Variants in PRRC2A observed in about 807,000 individuals in gnomAD.
PRRC2A encodes proline rich coiled-coil 2A, also known as protein PRRC2A.
Under a neutral mutation model 224.6 loss-of-function variants are expected in PRRC2A, and 59 were observed. That is an observed-to-expected ratio of 0.26 (90% CI 0.21 to 0.33). PRRC2A has a LOEUF of 0.33. PRRC2A is among the 10% of genes least tolerant of loss of function. The pLI, the probability that PRRC2A is intolerant of heterozygous loss-of-function variation, is 1.00. For missense variants in PRRC2A, 3,095 were observed against 2,880.7 expected, an observed-to-expected ratio of 1.07 and a Z score of -1.70; for synonymous variants, 1,194 against 1,109.5, an observed-to-expected ratio of 1.08 and a Z score of -1.51.
At chr6:31,626,663 G>T in intron 9 of PRRC2A, 109 bp from the exon 10 acceptor site, 1 of 974,402 alleles carries the variant, frequency 1.0e-6, no homozygotes. Context: ...CTAGACTTCG[G>T]AGGGAAGGAT....
rs769371215 is a variant in PRRC2A, at chr6:31,632,021, T to C, written c.3348T>C (p.Asp1116=). ...SETGSETHES[D]LAPSDKEAPT... is the part of the protein sequence containing the mutation. Reference sequence around the variant, plus strand: ...CAGGCAGCGAGACCCATGAGAGTGATCTGGCTCCTTCAGACAAGGAGGCTC... The same window carrying C: ...CAGGCAGCGAGACCCATGAGAGTGACCTGGCTCCTTCAGACAAGGAGGCTC... The change falls in exon 16 of 31, where the codon GAT becomes GAC. Residue 1116 remains aspartate (D), a synonymous_variant. Coordinates refer to ENST00000376033, the MANE Select transcript of PRRC2A (RefSeq NM_004638.4). 5.0e-6 allele frequency: 8 copies of C among 1,602,198 alleles called. No homozygotes were observed. The South Asian group carries it at 8.9e-5, about 18-fold the overall frequency.
chr6:31,627,302 G>A lies in PRRC2A; in HGVS notation c.1290+104G>A. The A allele has an allele frequency of 1.2e-6, 1 of 852,340 alleles. No individual in the cohort carries two copies. The highest frequency in any genetic ancestry group is 1.8e-6 in the Non-Finnish European group (1 of 550,718). 52.8% of individuals were successfully genotyped at this position (852,340 alleles called of 1,614,324 possible). On this transcript the variant is annotated intron_variant, in intron 11 of 30. Coordinates refer to ENST00000376033, the MANE Select transcript of PRRC2A (RefSeq NM_004638.4). The surrounding 1 kb of genome is among the most constrained non-coding windows in gnomAD (Gnocchi z 5.6). ...ATAGAGGAAGGGGGGTGCTAAAAAT[G>A]GGCTGTGTGAAGTGCCAGGCTGCAG...
At chr6:31,633,062 T>A in intron 16 of PRRC2A, 70 bp downstream of exon 16, 2 of 1,439,590 alleles carry the variant, frequency 1.4e-6, no homozygotes, top group Non-Finnish European at 1.8e-6. Flanking sequence ...GAGGGAAAGA[T>A]AAGTTTGGGT....
In PRRC2A at chr6:31,627,247, T is replaced by G. The variant is rs771845263; in HGVS notation, c.1290+49T>G. On this transcript the variant is annotated intron_variant, in intron 11 of 30. Coordinates refer to ENST00000376033, the MANE Select transcript of PRRC2A (RefSeq NM_004638.4). The surrounding 1 kb of genome is among the most constrained non-coding windows in gnomAD (Gnocchi z 5.6). ...GAGAGGGTCAGCTGTGGGAAATTGG[T>G]GTCAGCTGAGTAATTGAAGCGGTTG... 2 of 1,354,954 alleles carry G rather than the reference T, an allele frequency of 1.5e-6. No individual in the cohort carries two copies. The highest frequency in any genetic ancestry group is 2.9e-5 in the African/African-American group (2 of 68,534). The allele number at this position is 1,354,954 out of a possible 1,614,324, so 83.9% of individuals were successfully genotyped here.
intron 2 of PRRC2A, chr6:31,623,259 A>ATTTTTTTTTTTTTT (rs3993756): frequency 3.8e-6 from 1 of 265,700 alleles, no homozygotes; most frequent in Non-Finnish European, 6.8e-6. Context: ...GATTTCATAG[A>ATTTTTTTTTTTTTT]TTTTTTTTTT....
Position 31,620,791 on chromosome 6 carries a change from C to A in PRRC2A, c.-168C>A, listed in dbSNP as rs1166880965. 6.6e-6 allele frequency: 1 copy of A among 152,196 alleles called. No homozygotes were observed. The highest frequency in any genetic ancestry group is 1.5e-5 in the Non-Finnish European group (1 of 68,086). The allele number at this position is 152,196 out of a possible 1,614,324, so 9.4% of individuals were successfully genotyped here. A position where few individuals can be genotyped will look rare whatever the true frequency, so the allele number is the denominator to read the frequency against. ...GGCGCCATCCGCCGCCATCCTCCCC[C>A]GCCCCACCGCCATCCCGTCCCGGGG... On this transcript the variant is annotated 5_prime_UTR_variant, in exon 1 of 31. Coordinates refer to ENST00000376033, the MANE Select transcript of PRRC2A (RefSeq NM_004638.4).
At position 31,624,783 on chromosome 6, in the gene PRRC2A, G is replaced by C. The variant is rs546628550; in HGVS notation, c.463+261G>C. On this transcript the variant is annotated intron_variant, in intron 5 of 30. Transcript: ENST00000376033. ...TGAAGGCGGGAAACCTGATGGTCTG[G>C]TACCTGTCAGAGCCTTCCACTTTTT... 3.8e-5 allele frequency: 22 copies of C among 575,670 alleles called. No individual in the cohort carries two copies. In the Admixed American group the frequency reaches 5.2e-4, roughly 14 times the overall value. The allele number at this position is 575,670 out of a possible 1,614,324, so 35.7% of individuals were successfully genotyped here.
Position 31,632,249 on chromosome 6 carries a change from G to C in PRRC2A, c.3576G>C (p.Leu1192=), listed in dbSNP as rs1398113831. Residue 1192 remains leucine, a synonymous_variant, in exon 16 of 31, where the codon CTG becomes CTC. Coordinates refer to ENST00000376033, the MANE Select transcript of PRRC2A (RefSeq NM_004638.4). ...GCTGGAGCCCTCCAGCCAAGTCTCT[G>C]GCTCCCAAGAAACCTCCCACAGGCC... ...CPGWSPPAKS[L]APKKPPTGPL... 7.4e-6 allele frequency: 12 copies of C among 1,612,822 alleles called. No individual in the cohort carries two copies. Among genetic ancestry groups the C allele is most frequent in the Admixed American group, 3.3e-5 (2 of 59,992 alleles).
rs1190025175 is a variant in PRRC2A at position 31,622,742 on chromosome 6, G to A, written c.-48G>A. The stretch of plus-strand genomic sequence containing the variant: ...TGGCCCACAGGCTCTGGCACGTTTT[G>A]GGGGAGGTGCCTGCAGGACCCAACA... On this transcript the variant is annotated 5_prime_UTR_variant, in exon 2 of 31. Coordinates refer to ENST00000376033, the MANE Select transcript of PRRC2A (RefSeq NM_004638.4). The A allele has an allele frequency of 1.9e-5, 28 of 1,438,346 alleles. No individual in the cohort carries two copies. Among genetic ancestry groups the A allele is most frequent in the Non-Finnish European group, 2.5e-5 (26 of 1,025,600 alleles). The allele number at this position is 1,438,346 out of a possible 1,614,324, so 89.1% of individuals were successfully genotyped here.
rs570163486 is a variant in PRRC2A, at chr6:31,631,828, G to A, written c.3155G>A (p.Arg1052Gln). 3.2e-5 allele frequency: 51 copies of A among 1,597,338 alleles called. No homozygotes were observed. Among genetic ancestry groups the A allele is most frequent in the South Asian group, 1.4e-4 (13 of 89,866 alleles). Residue 1052 changes from arginine (R) to glutamine (Q), a missense_variant, in exon 16 of 31, where the codon CGG becomes CAG. This residue lies in a region of PRRC2A where 2,001 missense variants were observed against 1,764.9 expected (regional missense o/e 1.13). Transcript: ENST00000376033. This position sits in a 1 kb window ranked among gnomAD's most constrained non-coding sequence, Gnocchi z 4.5. Reference sequence around the variant, plus strand: ...GGACGAGGGCGGGGAGCCCGAAGCCGGGAATTCCGCAGTTACCGAGAGTTT... The same window carrying A: ...GGACGAGGGCGGGGAGCCCGAAGCCAGGAATTCCGCAGTTACCGAGAGTTT... Reference protein sequence around the residue: ...YGGRGRGARSREFRSYREFRG... With the variant: ...YGGRGRGARSQEFRSYREFRG...
chr6:31,625,355 C>T lies in PRRC2A; in HGVS notation c.607+41C>T, dbSNP rs780706604. The T allele has an allele frequency of 6.2e-7, 1 of 1,614,184 alleles. No homozygotes were observed. Among genetic ancestry groups the T allele is most frequent in the East Asian group, 2.2e-5 (1 of 44,882 alleles). On this transcript the variant is annotated intron_variant, in intron 6 of 30. Transcript: ENST00000376033. This position sits in a 1 kb window ranked among gnomAD's most constrained non-coding sequence, Gnocchi z 4.1. ...TTGGCCAAGACATTACCTATTGCAT[C>T]TCAGAGCTAGGTGCTGGCTTATTCA...
chr6:31,636,690 T>G lies in PRRC2A; in HGVS notation c.5935-43T>G. 6.3e-7 allele frequency: 1 copy of G among 1,597,810 alleles called. No homozygotes were observed. The highest frequency in any genetic ancestry group is 8.6e-7 in the Non-Finnish European group (1 of 1,169,502). ...TTGATTTTCCCTGGTTTTCTGACATTCCTCCCTGCCCCCAACATGCACACC... is the reference window on the plus strand; with the variant it reads ...TTGATTTTCCCTGGTTTTCTGACATGCCTCCCTGCCCCCAACATGCACACC... On this transcript the variant is annotated intron_variant, in intron 27 of 30. Transcript: ENST00000376033. This position sits in a 1 kb window ranked among gnomAD's most constrained non-coding sequence, Gnocchi z 4.3.
Position 31,627,256 on chromosome 6 carries a change from AG to A in PRRC2A, c.1290+59del. On this transcript the variant is annotated intron_variant, in intron 11 of 30. Coordinates refer to ENST00000376033, the MANE Select transcript of PRRC2A (RefSeq NM_004638.4). The surrounding 1 kb of genome is among the most constrained non-coding windows in gnomAD (Gnocchi z 5.6). ...AGCTGTGGGAAATTGGTGTCAGCTG[AG>A]TAATTGAAGCGGTTGTGATATAGAG... is the stretch of plus-strand genomic sequence containing the variant. The A allele has an allele frequency of 7.9e-7, 1 of 1,272,512 alleles. No homozygotes were observed. The highest frequency in any genetic ancestry group is 1.3e-5 in the South Asian group (1 of 78,196). 78.8% of individuals were successfully genotyped at this position (1,272,512 alleles called of 1,614,324 possible).
In PRRC2A at chr6:31,631,066, A is replaced by G; in HGVS notation, c.2466-73A>G. 1 of 1,372,884 alleles carries G rather than the reference A, an allele frequency of 7.3e-7. No individual in the cohort carries two copies. The highest frequency in any genetic ancestry group is 9.9e-7 in the Non-Finnish European group (1 of 1,008,440). The allele number at this position is 1,372,884 out of a possible 1,614,324, so 85.0% of individuals were successfully genotyped here. ...AGTAAAAGAGAGTCTGCATCATAAT[A>G]AAGTGTTCTTTTCCCACCTAGTTCT... On this transcript the variant is annotated intron_variant, in intron 15 of 30. Transcript: ENST00000376033. This position sits in a 1 kb window ranked among gnomAD's most constrained non-coding sequence, Gnocchi z 4.5.
Position 31,635,413 on chromosome 6 carries a change from T to C in PRRC2A, c.5321T>C (p.Val1774Ala). 1 of 1,614,208 alleles carries C rather than the reference T, an allele frequency of 6.2e-7. No homozygotes were observed. Among genetic ancestry groups the C allele is most frequent in the Non-Finnish European group, 8.5e-7 (1 of 1,180,040 alleles). ...TSDKDSDLRL[V>A]VGDSLKAEKE... ...TCACAGGACTCAGACTTACGCCTAG[T>C]GGTAGGAGACAGCTTGAAAGCAGAG... is the stretch of plus-strand genomic sequence containing the variant. The change falls in exon 23 of 31, where the codon GTG becomes GCG. Residue 1774 changes from valine (V) to alanine (A), a missense_variant. Val to Ala is a moderately conservative substitution (Grantham distance 64). Coordinates refer to ENST00000376033, the MANE Select transcript of PRRC2A (RefSeq NM_004638.4).
In PRRC2A at chr6:31,634,486, A is replaced by T. The variant is rs1289119315; in HGVS notation, c.4864A>T (p.Ser1622Cys). ...NRLHTATSRKSYRPSSMEPWM... is the reference protein window; with the variant it reads ...NRLHTATSRKCYRPSSMEPWM... ...CCCTTCTCCAGCCACTAGCCGAAAGAGTTACCGGCCCAGCTCCATGGAGCC... is the reference window on the plus strand; with the variant it reads ...CCCTTCTCCAGCCACTAGCCGAAAGTGTTACCGGCCCAGCTCCATGGAGCC... Residue 1622 changes from serine (S) to cysteine (C), a missense_variant, in exon 20 of 31, where the codon AGT becomes TGT. Transcript: ENST00000376033. The T allele has an allele frequency of 4.3e-6, 7 of 1,612,788 alleles. No homozygotes were observed. The African/African-American group carries it at 6.7e-5, about 15-fold the overall frequency.
Position 31,629,259 on chromosome 6 carries a change from C to G in PRRC2A, c.1881C>G (p.Arg627=), listed in dbSNP as rs776407704. ...EPKGDGIGPT[R]QPPSQGLGYP... The stretch of plus-strand genomic sequence containing the variant: ...AGGGTGATGGGATTGGTCCCACCCG[C>G]CAGCCCCCTAGTCAGGGCTTGGGCT... Residue 627 remains arginine, a synonymous_variant, in exon 13 of 31, where the codon CGC becomes CGG. Transcript: ENST00000376033. The G allele has an allele frequency of 6.2e-7, 1 of 1,610,886 alleles. No homozygotes were observed. The highest frequency in any genetic ancestry group is 1.1e-5 in the South Asian group (1 of 90,606).
intron 17 of PRRC2A, 51 bp downstream of exon 17, chr6:31,633,698 A>G (rs1389614003): frequency 6.4e-7 from 1 of 1,567,466 alleles, no homozygotes; most frequent in African/African-American, 1.4e-5. Flanking sequence ...AGAGAAGGTC[A>G]AGTGCTGGAG....
chr6:31,621,055 G>T (rs1422373519), intron 1 of PRRC2A, among the ~76,000 whole-genome samples, 197 bp downstream of exon 1: 1 of 152,160 alleles, frequency 6.6e-6, no homozygotes, highest in African/African-American at 2.4e-5. Context: ...CCGCACCTCC[G>T]GCAGTTCATT....
Sources: gnomAD v4.1 joint callset for allele counts (sites outside exome capture counted in the v4.1 genomes callset) on GRCh38, gnomAD v4.1.1 for gene constraint, gnomAD v4.1.1 regional missense constraint, Gnocchi (gnomAD v3.1) non-coding constraint, MANE v1.5 for transcripts, NCBI Gene and HGNC (gene_info 2026-07-23, HGNC 2026-07-21) for gene names.